Variants in ADGRG4 observed in about 807,000 individuals in gnomAD.
ADGRG4 encodes adhesion G protein-coupled receptor G4.
In ADGRG4, 122 loss-of-function variants were observed where a neutral mutation model predicts 126.2. The observed-to-expected ratio is 0.97, with a 90% confidence interval of 0.83 to 1.12. The LOEUF is 1.12. Ranked by LOEUF, ADGRG4 falls within the 50% of genes most tolerant of loss-of-function variation. ADGRG4 has a pLI of 0.00. For synonymous variants in ADGRG4, 943 were observed against 838.7 expected, an observed-to-expected ratio of 1.12 and a Z score of -2.15; for missense variants, 2,481 against 2,251.8, an observed-to-expected ratio of 1.10 and a Z score of -2.06.
intron 1 of ADGRG4, among the ~76,000 whole-genome samples, chrX:136,301,337 G>C (rs1288322723): frequency 2.7e-5 from 3 of 112,549 alleles, no homozygotes; most frequent in Non-Finnish European, 3.8e-5. Context: ...CTGATGGCCA[G>C]TGATGATGAA....
chrX:136,349,962 A>T lies in ADGRG4; in HGVS notation c.6256A>T (p.Thr2086Ser), dbSNP rs1423387092. Residue 2086 changes from threonine to serine, a missense_variant, in exon 6 of 26, where the codon ACT (threonine) becomes TCT (serine). Transcript: ENST00000394143. The stretch of plus-strand genomic sequence containing the variant: ...GGGTGGTATCACTACTGGCTTCCCA[A>T]CTTCTCTCCCTATGTCTATAAATGT... ...TLGGITTGFP[T>S]SLPMSINVTD... is the part of the protein sequence containing the mutation. The T allele has an allele frequency of 1.7e-6, 2 of 1,208,203 alleles. No individual in the cohort carries two copies. Among genetic ancestry groups the T allele is most frequent in the Non-Finnish European group, 2.2e-6 (2 of 893,893 alleles).
chrX:136,328,952 A>G (rs983949607), intron 5 of ADGRG4, among the ~76,000 whole-genome samples: 1 of 111,631 alleles, frequency 9.0e-6, no homozygotes, highest in African/African-American at 3.3e-5. Flanking sequence ...ACATTCTCCT[A>G]TAGACTCAGA....
intron 13 of ADGRG4, among the ~76,000 whole-genome samples, chrX:136,370,070 A>G (rs1307566975): frequency 9.0e-6 from 1 of 111,587 alleles, no homozygotes; most frequent in Non-Finnish European, 1.9e-5. Flanking sequence ...GGTAGGAGAA[A>G]GATTTGAGGA....
At chrX:136,320,842 C>G (rs1220563666) in intron 4 of ADGRG4, among the ~76,000 whole-genome samples, 1 of 111,095 alleles carries the variant, frequency 9.0e-6, no homozygotes, top group Admixed American at 9.6e-5. Flanking sequence ...TTGCTTGAGC[C>G]CGGGAGGTCA....
chrX:136,341,714 T>C (rs1019846178), intron 5 of ADGRG4, among the ~76,000 whole-genome samples: 1 of 112,141 alleles, frequency 8.9e-6, no homozygotes. Context: ...CCCTTAAAAA[T>C]GTGTGTACTT....
chrX:136,396,366 CATAT>C (rs747291704), intron 19 of ADGRG4, among the ~76,000 whole-genome samples: 70 of 95,044 alleles, frequency 7.4e-4, no homozygotes, highest in African/African-American at 2.5e-3. Flanking sequence ...ATTTATTTTA[CATAT>C]ATATATATAT....
Position 136,345,616 on chromosome X carries a change from G to A in ADGRG4, c.1910G>A (p.Gly637Asp), listed in dbSNP as rs774065130. 2.1e-5 allele frequency: 25 copies of A among 1,208,947 alleles called. No individual in the cohort carries two copies. In the South Asian group the frequency reaches 4.4e-4, roughly 21 times the overall value. The change falls in exon 6 of 26, where the codon GGT becomes GAT. Residue 637 changes from glycine (G) to aspartate (D), a missense_variant. Gly to Asp is a moderately conservative substitution (Grantham distance 94). Transcript: ENST00000394143. ...SASTSKAPES[G>D]PTSTTDEAAH... ...TCCACATCCAAGGCACCTGAGTCAG[G>A]TCCCACATCCACAACTGATGAAGCT...
intron 4 of ADGRG4, among the ~76,000 whole-genome samples, chrX:136,318,647 T>C (rs770460328): frequency 9.0e-6 from 1 of 111,441 alleles, no homozygotes; most frequent in South Asian, 3.8e-4. Flanking sequence ...GGAAAACACT[T>C]ATGCTATGAG....
chrX:136,367,416 A>T (rs1185922780), intron 13 of ADGRG4, among the ~76,000 whole-genome samples: 15 of 112,627 alleles, frequency 1.3e-4, no homozygotes. Context: ...TGTGTTTCAC[A>T]CTGACCTCCG....
chrX:136,402,582 G>A (rs1194266213), intron 21 of ADGRG4, among the ~76,000 whole-genome samples: 3 of 111,476 alleles, frequency 2.7e-5, no homozygotes, highest in Non-Finnish European at 5.6e-5. Flanking sequence ...CTTAGTCTAG[G>A]AGAAATACAA....
chrX:136,388,383 T>C (rs1211363564), intron 16 of ADGRG4, among the ~76,000 whole-genome samples: 2 of 112,189 alleles, frequency 1.8e-5, no homozygotes, highest in African/African-American at 3.2e-5. Context: ...GGCAGCATGA[T>C]GTGATGCTGA....
chrX:136,369,054 C>T (rs928792864), intron 13 of ADGRG4, among the ~76,000 whole-genome samples: 5 of 111,974 alleles, frequency 4.5e-5, no homozygotes, highest in Non-Finnish European at 7.5e-5. Context: ...TGAGTGAGCC[C>T]TCTTGGACAT....
At chrX:136,370,850 T>C (rs1245635965) in intron 13 of ADGRG4, among the ~76,000 whole-genome samples, 1 of 111,767 alleles carries the variant, frequency 8.9e-6, no homozygotes, top group Non-Finnish European at 1.9e-5. Context: ...CTCTGGAAAA[T>C]CTAAATTAAC....
chrX:136,416,371 T>C, intron 25 of ADGRG4, 83 bp from the exon 26 acceptor site: 1 of 725,923 alleles, frequency 1.4e-6, no homozygotes, highest in Non-Finnish European at 2.1e-6. Flanking sequence ...TTTTCCTTCA[T>C]TTGATAAAAT....
chrX:136,322,798 A>G lies in ADGRG4; in HGVS notation c.91A>G (p.Lys31Glu). The change falls in exon 5 of 26, where the codon AAA becomes GAA. Residue 31 changes from lysine to glutamate, a missense_variant. By Grantham distance (56) the Lys-to-Glu change is moderately conservative. Coordinates refer to ENST00000394143, the MANE Select transcript of ADGRG4 (RefSeq NM_153834.4). ...FLSDTLSLKG[K>E]KLDFFGRGDT... is the part of the protein sequence containing the mutation. Reference sequence around the variant, plus strand: ...GACAGATACACTTTCACTAAAAGGAAAAAAGCTGGATTTTTTTGGAAGAGG... The same window carrying G: ...GACAGATACACTTTCACTAAAAGGAGAAAAGCTGGATTTTTTTGGAAGAGG... 1 of 1,189,107 alleles carries G rather than the reference A, an allele frequency of 8.4e-7. No homozygotes were observed. Among genetic ancestry groups the G allele is most frequent in the African/African-American group, 1.8e-5 (1 of 57,018 alleles).
At chrX:136,376,670 ATTG>A (rs2075227966) in intron 15 of ADGRG4, among the ~76,000 whole-genome samples, 3 of 108,501 alleles carry the variant, frequency 2.8e-5, no homozygotes, top group Non-Finnish European at 5.7e-5. Context: ...ATTGTATTGT[ATTG>A]TATTGTATTG....
At chrX:136,380,509 A>G (rs1045341936) in intron 15 of ADGRG4, among the ~76,000 whole-genome samples, 35 of 107,732 alleles carry the variant, frequency 3.2e-4, no homozygotes, top group Admixed American at 1.8e-3. Flanking sequence ...TCTTCTTTAC[A>G]TAGCTGCTGC....
intron 19 of ADGRG4, among the ~76,000 whole-genome samples, chrX:136,396,339 G>A (rs923396960): frequency 1.9e-4 from 20 of 104,424 alleles, no homozygotes; most frequent in Non-Finnish European, 3.3e-4. Flanking sequence ...TGAGGGCTGT[G>A]GGTCTGTTTT....
intron 5 of ADGRG4, among the ~76,000 whole-genome samples, chrX:136,325,155 AAGG>A (rs2074864431): frequency 8.9e-6 from 1 of 111,894 alleles, no homozygotes; most frequent in Non-Finnish European, 1.9e-5. Context: ...CTTATTCTTG[AAGG>A]AGTATTATTG....
Sources: gnomAD v4.1 joint callset for allele counts (sites outside exome capture counted in the v4.1 genomes callset) on GRCh38, gnomAD v4.1.1 for gene constraint, MANE v1.5 for transcripts, NCBI Gene and HGNC (gene_info 2026-07-23, HGNC 2026-07-21) for gene names.